Variants in ABCC4 observed in about 807,000 individuals in gnomAD.
ABCC4 encodes the protein ATP-binding cassette sub-family C member 4.
Under a neutral mutation model 168.5 loss-of-function variants are expected in ABCC4, and 102 were observed. That is an observed-to-expected ratio of 0.61 (90% CI 0.52 to 0.71). The LOEUF (loss-of-function observed/expected upper bound fraction) is 0.71. Ranked by LOEUF, ABCC4 falls within the 30% of genes least tolerant of loss-of-function variation. ABCC4 has a pLI of 0.00. For missense variants in ABCC4, 1,402 were observed against 1,605.8 expected (o/e 0.87, Z 2.17); for synonymous variants, 617 against 590.7 (o/e 1.04, Z -0.65).
At chr13:95,124,562 TAAAA>T (rs55651091) in intron 19 of ABCC4, among the ~76,000 whole-genome samples, 1 of 121,892 alleles carries the variant, frequency 8.2e-6, no homozygotes, top group African/African-American at 3.3e-5. Context: ...CCCCCTTTCT[TAAAA>T]AAAAAAAAAA....
chr13:95,243,066 A>G (rs901709015), intron 3 of ABCC4, among the ~76,000 whole-genome samples: 1 of 152,190 alleles, frequency 6.6e-6, no homozygotes. Context: ...TATACCATAA[A>G]CCACCAAGAT....
intron 20 of ABCC4, among the ~76,000 whole-genome samples, chr13:95,108,129 C>T (rs1484038469): frequency 6.6e-6 from 1 of 151,956 alleles, no homozygotes; most frequent in Non-Finnish European, 1.5e-5. Context: ...CTCAAAATGT[C>T]TAAAAGAATT....
At chr13:95,079,081 G>T (rs555987722) in intron 21 of ABCC4, among the ~76,000 whole-genome samples, 1 of 152,134 alleles carries the variant, frequency 6.6e-6, no homozygotes, top group African/African-American at 2.4e-5. Context: ...TGAAAAGATA[G>T]TCCTTTCTCT....
At chr13:95,255,946 T>C (rs1447060493) in intron 1 of ABCC4, among the ~76,000 whole-genome samples, 2 of 152,090 alleles carry the variant, frequency 1.3e-5, no homozygotes, top group African/African-American at 4.8e-5. Context: ...TAATCCCATC[T>C]TCCCAGCACT....
chr13:95,287,815 G>A (rs2041297405), intron 1 of ABCC4, among the ~76,000 whole-genome samples: 1 of 151,834 alleles, frequency 6.6e-6, no homozygotes, highest in Admixed American at 6.6e-5. Flanking sequence ...GGCCAAGGCT[G>A]GCAGATCACG....
intron 4 of ABCC4, 51 bp from the exon 5 acceptor site, chr13:95,210,832 T>G (rs558239548): frequency 7.0e-7 from 1 of 1,428,852 alleles, no homozygotes; most frequent in African/African-American, 1.4e-5. Context: ...TGATACTAAG[T>G]CAGGCTTAGG....
At chr13:95,089,558 G>T (rs997484177) in intron 20 of ABCC4, among the ~76,000 whole-genome samples, 1 of 152,074 alleles carries the variant, frequency 6.6e-6, no homozygotes, top group Non-Finnish European at 1.5e-5. Context: ...CTGAGATCAC[G>T]CCACTGCACT....
At chr13:95,198,383 A>C (rs1231967522) in intron 8 of ABCC4, among the ~76,000 whole-genome samples, 1 of 152,250 alleles carries the variant, frequency 6.6e-6, no homozygotes, top group Non-Finnish European at 1.5e-5. Flanking sequence ...GTCATTAAAG[A>C]AATGCAAATC....
At chr13:95,268,889 C>G (rs920269171) in intron 1 of ABCC4, among the ~76,000 whole-genome samples, 2 of 152,196 alleles carry the variant, frequency 1.3e-5, no homozygotes, top group East Asian at 3.9e-4. Context: ...GCGGCGGTCC[C>G]CTGGGCCCAC....
chr13:95,045,119 T>TC (rs1254950432), intron 27 of ABCC4, among the ~76,000 whole-genome samples: 1 of 152,156 alleles, frequency 6.6e-6, no homozygotes, highest in Non-Finnish European at 1.5e-5. Flanking sequence ...CAAGAACCCC[T>TC]CTTCCAGGTA....
chr13:95,190,450 A>AAGGGATAGTTTACCAGAGCATGAT (rs1405545476), intron 9 of ABCC4, among the ~76,000 whole-genome samples: 1 of 152,172 alleles, frequency 6.6e-6, no homozygotes, highest in African/African-American at 2.4e-5. Context: ...TATCAGGGAG[A>AAGGGATAGTTTACCAGAGCATGAT]AGGGATAGTT....
chr13:95,046,386 T>C (rs2032581069), intron 27 of ABCC4, among the ~76,000 whole-genome samples: 1 of 151,984 alleles, frequency 6.6e-6, no homozygotes. Context: ...GGTTGTGAGG[T>C]GAAGAATAAT....
chr13:95,207,744 C>T (rs1248195672), intron 7 of ABCC4, 56 bp downstream of exon 7: 16 of 1,559,082 alleles, frequency 1.0e-5, no homozygotes, highest in Admixed American at 1.9e-5. Flanking sequence ...AAACCATCAA[C>T]AAGAATAGCA....
chr13:95,121,856 C>T lies in ABCC4; in HGVS notation c.2456-5855G>A, dbSNP rs116759110. Among the ~76,000 whole-genome samples, 1,273 of 152,300 alleles carry T rather than the reference C, an allele frequency of 8.4e-3. 21 individuals carry two copies. Among genetic ancestry groups the T allele is most frequent in the African/African-American group, 0.027 (1,120 of 41,556 alleles). On this transcript the variant is annotated intron_variant, in intron 19 of 30. Coordinates refer to ENST00000645237, the MANE Select transcript of ABCC4 (RefSeq NM_005845.5). The stretch of plus-strand genomic sequence containing the variant: ...TTCCCCTCTCAAACATAGGGCCTTA[C>T]ATCCATTGGGACCTTCACATAGAGA...
intron 4 of ABCC4, among the ~76,000 whole-genome samples, chr13:95,231,668 C>A (rs1291359731): frequency 6.6e-6 from 1 of 152,182 alleles, no homozygotes; most frequent in African/African-American, 2.4e-5. Flanking sequence ...GTCTTTCCCA[C>A]GTTTCTGGGA....
At chr13:95,251,830 CCA>C (rs2040270081) in intron 1 of ABCC4, among the ~76,000 whole-genome samples, 1 of 152,186 alleles carries the variant, frequency 6.6e-6, no homozygotes, top group Non-Finnish European at 1.5e-5. Context: ...CCCCCCATAT[CCA>C]CAGTTTCGCT....
chr13:95,020,158 CTGTGTGTGG>C lies in ABCC4; in HGVS notation c.*1408_*1416del, dbSNP rs1424820246. On this transcript the variant is annotated 3_prime_UTR_variant, in exon 31 of 31. Transcript: ENST00000645237. Reference sequence around the variant, plus strand: ...ACGGTCAATGTATTTTGGCAGTTAGCTGTGTGTGGTGTGTGCTTTTTAAGGCTTCACTCA... The same window carrying C: ...ACGGTCAATGTATTTTGGCAGTTAGCTGTGTGCTTTTTAAGGCTTCACTCA... 3 of 152,126 alleles carry C rather than the reference CTGTGTGTGG, an allele frequency of 2.0e-5. No individual in the cohort carries two copies. Among genetic ancestry groups the C allele is most frequent in the Non-Finnish European group, 4.4e-5 (3 of 68,028 alleles). The allele number at this position is 152,126 out of a possible 1,614,324, so 9.4% of individuals were successfully genotyped here.
chr13:95,151,593 A>G (rs1029377498), intron 19 of ABCC4, among the ~76,000 whole-genome samples: 3 of 132,456 alleles, frequency 2.3e-5, no homozygotes, highest in Admixed American at 1.5e-4. Context: ...GAAGGAGAAG[A>G]AGGAGGAGGA....
At chr13:95,278,823 A>AC (rs934896563) in intron 1 of ABCC4, among the ~76,000 whole-genome samples, 3 of 150,692 alleles carry the variant, frequency 2.0e-5, no homozygotes, top group African/African-American at 7.3e-5. Flanking sequence ...AAAAAAAAAA[A>AC]AAAAAAAAAA....
Sources: allele counts gnomAD v4.1 joint callset (sites outside exome capture counted in the v4.1 genomes callset), GRCh38; gene constraint gnomAD v4.1.1; transcripts MANE v1.5; gene names NCBI Gene and HGNC (gene_info 2026-07-23, HGNC 2026-07-21).